The following TM6SF2 variants were observed in gnomAD, a reference collection of about 807,000 sequenced individuals.
The protein encoded by TM6SF2 is transmembrane 6 superfamily member 2.
In TM6SF2, 29 loss-of-function variants were observed where a neutral mutation model predicts 41.0. The observed-to-expected ratio is 0.71, with a 90% CI of 0.53 to 0.96. The LOEUF is 0.96. Among genes scored for constraint, TM6SF2 ranks in the 50% least tolerant of loss-of-function variants. The pLI is 0.00. For synonymous variants in TM6SF2, 200 were observed against 209.1 expected, an observed-to-expected ratio of 0.96 and a Z score of 0.37; for missense variants, 475 against 499.0, an observed-to-expected ratio of 0.95 and a Z score of 0.46.
At chr19:19,272,022 A>G (rs1459231954) in intron 1 of TM6SF2, among the ~76,000 whole-genome samples, 1 of 152,102 alleles carries the variant, frequency 6.6e-6, no homozygotes, top group Admixed American at 6.6e-5. Flanking sequence ...AAATGCCTCT[A>G]TTAACTCCAC....
rs1223937763 is a variant in TM6SF2, at chr19:19,268,849, C to T, written c.485-95G>A. 5 of 1,432,824 alleles carry T rather than the reference C, an allele frequency of 3.5e-6. No homozygotes were observed. The South Asian group carries it at 5.8e-5, about 17-fold the overall frequency. 88.8% of individuals were successfully genotyped at this position (1,432,824 alleles called of 1,614,324 possible). ...TCTGAGACAGAGTCTTGCTCTGTCA[C>T]CCAGGCTGGAGTGCAGTGATGCAAT... On this transcript the variant is annotated intron_variant, in intron 5 of 9. Coordinates refer to ENST00000389363, the MANE Select transcript of TM6SF2 (RefSeq NM_001001524.3).
intron 1 of TM6SF2, among the ~76,000 whole-genome samples, chr19:19,271,693 G>A (rs1039773594): frequency 6.6e-6 from 1 of 151,848 alleles, no homozygotes; most frequent in Non-Finnish European, 1.5e-5. Context: ...ACCACACCCG[G>A]CTAATTTTTG....
In TM6SF2 at chr19:19,267,627, C is replaced by T. The variant is rs748008045; in HGVS notation, c.798G>A (p.Lys266=). 3.7e-6 allele frequency: 6 copies of T among 1,613,318 alleles called. No homozygotes were observed. In the Admixed American group the frequency reaches 1.0e-4, roughly 27 times the overall value. ...CTCCCCGCTCCCCTCTCACCTGCAC[C>T]TTAGGGTAGGCCACAGGGTCCCGCA... The part of the protein sequence containing the change: ...PYLRDPVAYP[K]VQMLMYMFYV... Residue 266 remains lysine (K), a synonymous_variant, in exon 8 of 10, where the codon AAG becomes AAA. Transcript: ENST00000389363.
rs1206356828 is a variant in TM6SF2 at position 19,270,215 on chromosome 19, T to A, written c.359A>T (p.His120Leu). Residue 120 changes from histidine (H) to leucine (L), a missense_variant, in exon 4 of 10, where the codon CAC (histidine) becomes CTC (leucine). Coordinates refer to ENST00000389363, the MANE Select transcript of TM6SF2 (RefSeq NM_001001524.3). ...GGCCATGGCCAGGTAGAGGAGGTAG[T>A]GAACAGTGCCATCCCAGTAGCAGAT... Reference protein sequence around the residue: ...VFICYWDGTVHYLLYLAMAGA... With the variant: ...VFICYWDGTVLYLLYLAMAGA... 4 of 1,614,006 alleles carry A rather than the reference T, an allele frequency of 2.5e-6. No homozygotes were observed. The highest frequency in any genetic ancestry group is 3.4e-6 in the Non-Finnish European group (4 of 1,180,038).
rs1282708695 is a variant in TM6SF2, at chr19:19,266,556, A to G, written c.858T>C (p.Ala286=). The part of the protein sequence containing the change: ...VLPFCGLAAY[A]LTFPGCSWLP... ...GCCAGGAGCAACCAGGGAAGGTGAG[A>G]GCATAGGCAGCCAGGCCGCAGAAAG... Residue 286 remains alanine (A), a synonymous_variant, in exon 9 of 10, where the codon GCT becomes GCC. Transcript: ENST00000389363. 8.1e-6 allele frequency: 13 copies of G among 1,613,914 alleles called. 1 individual carries two copies. The Middle Eastern group carries it at 6.6e-4, about 82-fold the overall frequency.
intron 6 of TM6SF2, among the ~76,000 whole-genome samples, chr19:19,268,338 T>G (rs530522031): frequency 4.5e-4 from 68 of 151,958 alleles, no homozygotes; most frequent in African/African-American, 1.6e-3. Context: ...CCCGAATAGC[T>G]GGGACCACAG....
rs936798914 is a variant in TM6SF2, at chr19:19,268,808, CTGTT to C, written c.485-58_485-55del. 3.8e-5 allele frequency: 58 copies of C among 1,526,834 alleles called. 1 individual carries two copies. Among genetic ancestry groups the C allele is most frequent in the Admixed American group, 2.2e-4 (9 of 40,482 alleles). 94.6% of individuals were successfully genotyped at this position (1,526,834 alleles called of 1,614,324 possible). On this transcript the variant is annotated intron_variant, in intron 5 of 9. Transcript: ENST00000389363. ...GCCATGCCAGAACCCTGCTGGACAT[CTGTT>C]TGTTTGTTTGTTCTGAGACAGAGTC... is the stretch of plus-strand genomic sequence containing the variant.
At chr19:19,270,902 T>A in intron 2 of TM6SF2, 120 bp downstream of exon 2, 1 of 810,386 alleles carries the variant, frequency 1.2e-6, no homozygotes, top group Non-Finnish European at 2.1e-6. Flanking sequence ...GTCTCCAGTC[T>A]GATGGGAGCT....
At chr19:19,271,516 CT>C (rs1415536649) in intron 1 of TM6SF2, among the ~76,000 whole-genome samples, 4 of 130,736 alleles carry the variant, frequency 3.1e-5, no homozygotes, top group African/African-American at 1.3e-4. Context: ...TTCTTTTTTT[CT>C]TTTTCTTTCT....
intron 1 of TM6SF2, among the ~76,000 whole-genome samples, chr19:19,272,636 G>A (rs2061027898): frequency 6.6e-6 from 1 of 151,992 alleles, no homozygotes; most frequent in Non-Finnish European, 1.5e-5. Flanking sequence ...TAGGGACATG[G>A]TTAGCCAGCC....
chr19:19,273,061 T>TGCCCCCCCCCCCCCCCCC, intron 1 of TM6SF2, 60 bp downstream of exon 1: 3 of 305,470 alleles, frequency 9.8e-6, no homozygotes, highest in East Asian at 1.7e-4. Flanking sequence ...CCTCCAGTCC[T>TGCCCCCCCCCCCCCCCCC]CCCCGCCCCC....
intron 8 of TM6SF2, 63 bp from the exon 9 acceptor site, chr19:19,266,672 C>T: frequency 1.9e-6 from 3 of 1,541,226 alleles, no homozygotes; most frequent in Non-Finnish European, 2.6e-6. Context: ...AGGTGGGTCT[C>T]CTGAGACCCC....
Position 19,268,624 on chromosome 19 carries a change from A to G in TM6SF2, c.609+6T>C, listed in dbSNP as rs151226989. On this transcript the variant is annotated splice_donor_region_variant and intron_variant, in intron 6 of 9. Coordinates refer to ENST00000389363, the MANE Select transcript of TM6SF2 (RefSeq NM_001001524.3). ...GGACAAGGCCTAAGAGGGGTAAGGC[A>G]CTCACCATGTTGGCGGTGCAGCGGG... 1.9e-6 allele frequency: 3 copies of G among 1,579,028 alleles called. No homozygotes were observed. The highest frequency in any genetic ancestry group is 2.8e-5 in the African/African-American group (2 of 72,096).
chr19:19,266,150 T>C (rs938820223), intron 9 of TM6SF2, among the ~76,000 whole-genome samples: 1 of 152,080 alleles, frequency 6.6e-6, no homozygotes, highest in Non-Finnish European at 1.5e-5. Flanking sequence ...AGTCACTCTC[T>C]CCCTCTGTGC....
intron 2 of TM6SF2, 24 bp from the exon 3 acceptor site, chr19:19,270,466 T>C: frequency 6.3e-7 from 1 of 1,591,692 alleles, no homozygotes; most frequent in Non-Finnish European, 8.6e-7. Flanking sequence ...GCGGGCCGGG[T>C]CAGGTGTGGG....
chr19:19,268,496 C>A, intron 6 of TM6SF2, 134 bp downstream of exon 6: 1 of 1,342,102 alleles, frequency 7.5e-7, no homozygotes, highest in Non-Finnish European at 9.9e-7. Flanking sequence ...GCATGAGCCA[C>A]CGCACCCAGC....
rs2060997527 is a variant in TM6SF2 at position 19,264,883 on chromosome 19, A to C, written c.925-10T>G. The stretch of plus-strand genomic sequence containing the variant: ...TGTGCGAGAACTGTGCCTGGTAGCC[A>C]GACAGGGAAGATGGATGTCAGGGGC... On this transcript the variant is annotated splice_polypyrimidine_tract_variant and intron_variant, in intron 9 of 9. Transcript: ENST00000389363. 6.5e-7 allele frequency: 1 copy of C among 1,531,738 alleles called. No homozygotes were observed. Among genetic ancestry groups the C allele is most frequent in the Non-Finnish European group, 8.8e-7 (1 of 1,139,104 alleles). The allele number at this position is 1,531,738 out of a possible 1,614,324, so 94.9% of individuals were successfully genotyped here.
Position 19,268,674 on chromosome 19 carries a change from C to A in TM6SF2, c.565G>T (p.Val189Phe), listed in dbSNP as rs760439176. Reference sequence around the variant, plus strand: ...GTTAGCGCCCGGGGCTGGCTGAAGACCTTCATGCCAGCCCAGCATGGCACC... The same window carrying A: ...GTTAGCGCCCGGGGCTGGCTGAAGAACTTCATGCCAGCCCAGCATGGCACC... Reference protein sequence around the residue: ...LLVPCWAGMKVFSQPRALTRC... With the variant: ...LLVPCWAGMKFFSQPRALTRC... Residue 189 changes from valine to phenylalanine, a missense_variant, in exon 6 of 10, where the codon GTC becomes TTC. Physicochemically the swap from Val to Phe is conservative, Grantham distance 50. This residue lies in a region of TM6SF2 where 47 missense variants were observed against 80.3 expected (regional missense o/e 0.59). Transcript: ENST00000389363. The A allele has an allele frequency of 3.1e-6, 5 of 1,589,776 alleles. No homozygotes were observed. In the Admixed American group the frequency reaches 5.7e-5, roughly 18 times the overall value.
intron 1 of TM6SF2, 120 bp downstream of exon 1, chr19:19,273,001 A>C: frequency 1.4e-6 from 1 of 723,186 alleles, no homozygotes; most frequent in East Asian, 3.5e-5. Flanking sequence ...GCTGGGGCGC[A>C]GGGCTCGCAG....
Sources: allele counts gnomAD v4.1 joint callset (sites outside exome capture counted in the v4.1 genomes callset), GRCh38; gene constraint gnomAD v4.1.1; regional missense constraint gnomAD v4.1.1; transcripts MANE v1.5; gene names NCBI Gene and HGNC (gene_info 2026-07-23, HGNC 2026-07-21).